ARB2A: variants seen among roughly 807,000 people sequenced by gnomAD.
ARB2A encodes the protein cotranscriptional regulator ARB2A.
At chr5:93,922,435 G>A in the ARB2A span, among the ~76,000 whole-genome samples, 192 of 151,554 alleles carry the variant, frequency 1.3e-3, 3 homozygotes, top group Middle Eastern at 0.041. Flanking sequence ...TTGGGAGGCC[G>A]AGGCAGGCAG....
At chr5:93,905,931 T>C in the ARB2A span, among the ~76,000 whole-genome samples, 1 of 151,526 alleles carries the variant, frequency 6.6e-6, no homozygotes, top group Non-Finnish European at 1.5e-5. Context: ...AAAAAATATT[T>C]TAATTTTGTC....
chr5:93,986,822 TAGTTAAGAGTCA>T, the ARB2A span, among the ~76,000 whole-genome samples: 1 of 152,118 alleles, frequency 6.6e-6, no homozygotes, highest in Non-Finnish European at 1.5e-5. Context: ...GGCAGCATGC[TAGTTAAGAGTCA>T]TCACCACTCC....
At chr5:93,825,055 C>A in the ARB2A span, among the ~76,000 whole-genome samples, 1 of 152,154 alleles carries the variant, frequency 6.6e-6, no homozygotes, top group Non-Finnish European at 1.5e-5. Context: ...ACTGGTAAAG[C>A]CATGTTTCAT....
At chr5:94,048,541 G>A in the ARB2A span, among the ~76,000 whole-genome samples, 1 of 152,114 alleles carries the variant, frequency 6.6e-6, no homozygotes, top group South Asian at 2.1e-4. Context: ...TTCTGGATCA[G>A]AAACAAAAAT....
the ARB2A span, chr5:93,881,340 G>C: frequency 1.5e-6 from 1 of 650,708 alleles, no homozygotes; most frequent in Non-Finnish European, 2.5e-6. Flanking sequence ...AATCCAAGTA[G>C]ACGACTATGG....
the ARB2A span, among the ~76,000 whole-genome samples, chr5:93,826,143 G>A: frequency 6.6e-6 from 1 of 151,868 alleles, no homozygotes; most frequent in Non-Finnish European, 1.5e-5. Flanking sequence ...GCCAAAACCT[G>A]GATAATGTGA....
At chr5:93,667,927 G>A in the ARB2A span, among the ~76,000 whole-genome samples, 1 of 152,098 alleles carries the variant, frequency 6.6e-6, no homozygotes, top group Non-Finnish European at 1.5e-5. Flanking sequence ...GATAAAGTTT[G>A]GATGTGAAGG....
At chr5:94,085,886 T>G in the ARB2A span, among the ~76,000 whole-genome samples, 1 of 152,180 alleles carries the variant, frequency 6.6e-6, no homozygotes, top group Non-Finnish European at 1.5e-5. Context: ...CTTAGAACAC[T>G]ACATACAGAA....
the ARB2A span, among the ~76,000 whole-genome samples, chr5:93,783,425 A>G: frequency 6.6e-6 from 1 of 152,160 alleles, no homozygotes; most frequent in Non-Finnish European, 1.5e-5. Context: ...CTACTATGAA[A>G]TTATATAGCC....
chr5:94,024,656 A>T, the ARB2A span, among the ~76,000 whole-genome samples: 58 of 152,218 alleles, frequency 3.8e-4, no homozygotes, highest in African/African-American at 1.3e-3. Flanking sequence ...AGAATAAAAG[A>T]ATTATTTTAA....
At chr5:94,082,649 C>T in the ARB2A span, among the ~76,000 whole-genome samples, 1 of 152,006 alleles carries the variant, frequency 6.6e-6, no homozygotes, top group Non-Finnish European at 1.5e-5. Flanking sequence ...TCTGATTTTA[C>T]CTAAATGTGT....
At chr5:93,740,158 A>AT in the ARB2A span, 1 of 156,822 alleles carries the variant, frequency 6.4e-6, no homozygotes, top group Non-Finnish European at 1.4e-5. Context: ...GTTCTGCTTG[A>AT]TTTTAAGTAA....
the ARB2A span, among the ~76,000 whole-genome samples, chr5:93,663,495 T>C: frequency 6.6e-6 from 1 of 152,246 alleles, no homozygotes; most frequent in Non-Finnish European, 1.5e-5. Flanking sequence ...AGAAGCTATT[T>C]CAACTGATCA....
chr5:94,006,855 T>C, the ARB2A span, among the ~76,000 whole-genome samples: 2 of 152,216 alleles, frequency 1.3e-5, no homozygotes, highest in Non-Finnish European at 1.5e-5. Flanking sequence ...TAACGAAGTA[T>C]TTTATCACTG....
chr5:93,651,823 T>C, the ARB2A span, among the ~76,000 whole-genome samples: 3 of 152,192 alleles, frequency 2.0e-5, no homozygotes, highest in Non-Finnish European at 4.4e-5. Flanking sequence ...AATTATACTA[T>C]GTAAGCTCCT....
At chr5:93,790,655 A>G in the ARB2A span, among the ~76,000 whole-genome samples, 1 of 152,204 alleles carries the variant, frequency 6.6e-6, no homozygotes, top group South Asian at 2.1e-4. Flanking sequence ...GAATGGCTTG[A>G]GCTGGCAACA....
the ARB2A span, among the ~76,000 whole-genome samples, chr5:93,634,184 C>T: frequency 6.6e-6 from 1 of 151,842 alleles, no homozygotes; most frequent in African/African-American, 2.4e-5. Flanking sequence ...GGGCGGATCA[C>T]GAGGTCAAGA....
chr5:94,007,774 CAA>C, the ARB2A span, among the ~76,000 whole-genome samples: 18 of 83,378 alleles, frequency 2.2e-4, no homozygotes, highest in Admixed American at 1.4e-4. Context: ...GACTCTGTCT[CAA>C]AAAAAAAAAA....
the ARB2A span, among the ~76,000 whole-genome samples, chr5:93,843,803 T>C: frequency 1.3e-5 from 2 of 151,842 alleles, no homozygotes; most frequent in South Asian, 4.1e-4. Flanking sequence ...GAGAGAAAAG[T>C]AATAAACCAG....
Sources: gnomAD v4.1 joint callset for allele counts (sites outside exome capture counted in the v4.1 genomes callset) on GRCh38, gnomAD v4.1.1 for gene constraint, MANE v1.5 for transcripts, NCBI Gene and HGNC (gene_info 2026-07-23, HGNC 2026-07-21) for gene names.